HTR1F: variants seen among roughly 807,000 people sequenced by gnomAD.
HTR1F encodes the protein 5-hydroxytryptamine (serotonin) receptor 1F, G protein-coupled.
A neutral mutation model predicts 24.0 loss-of-function variants in HTR1F; 17 were observed. The ratio of observed to expected loss-of-function variants is 0.71; its 90% CI spans 0.48 to 1.06. HTR1F has a LOEUF of 1.06. Ranked by LOEUF, HTR1F falls within the 50% of genes least tolerant of loss-of-function variation. HTR1F has a pLI of 0.00. For synonymous variants in HTR1F, 186 were observed against 156.8 expected (o/e 1.19, Z -1.39); for missense variants, 391 against 427.8 (o/e 0.91, Z 0.76).
intron 1 of HTR1F, among the ~76,000 whole-genome samples, chr3:87,802,073 T>A (rs1406540330): frequency 1.2e-5 from 1 of 82,356 alleles, no homozygotes; most frequent in Admixed American, 1.3e-4. Flanking sequence ...TTTCTTTCCC[T>A]CCCTCCTTCC....
intron 2 of HTR1F, among the ~76,000 whole-genome samples, chr3:87,865,943 G>C (rs1435140130): frequency 1.3e-5 from 2 of 152,008 alleles, no homozygotes; most frequent in Non-Finnish European, 2.9e-5. Context: ...CCAAAAAGTT[G>C]ATATCAATCA....
intron 2 of HTR1F, among the ~76,000 whole-genome samples, chr3:87,823,415 T>C (rs2107130514): frequency 6.6e-6 from 1 of 152,290 alleles, no homozygotes; most frequent in African/African-American, 2.4e-5. Flanking sequence ...TTCATCTTCC[T>C]TTTCAAGACC....
intron 2 of HTR1F, among the ~76,000 whole-genome samples, chr3:87,824,410 TA>T (rs1267565973): frequency 6.6e-6 from 1 of 152,198 alleles, no homozygotes; most frequent in African/African-American, 2.4e-5. Flanking sequence ...CTTGTTTATG[TA>T]AAACAGGCCT....
intron 2 of HTR1F, among the ~76,000 whole-genome samples, chr3:87,848,173 A>G (rs1704989823): frequency 6.6e-6 from 1 of 151,796 alleles, no homozygotes; most frequent in Non-Finnish European, 1.5e-5. Context: ...CCTTGCCATC[A>G]TCTGTTAAAT....
At chr3:87,962,587 T>C (rs1576094297) in intron 2 of HTR1F, among the ~76,000 whole-genome samples, 2 of 152,046 alleles carry the variant, frequency 1.3e-5, no homozygotes, top group African/African-American at 2.4e-5. Context: ...ATTATAAATA[T>C]AAGAGATGTT....
chr3:87,909,682 T>A (rs1002104447), intron 2 of HTR1F, among the ~76,000 whole-genome samples: 1 of 152,032 alleles, frequency 6.6e-6, no homozygotes, highest in African/African-American at 2.4e-5. Flanking sequence ...TTCATTTATG[T>A]AAAGAAGCTA....
At chr3:87,819,261 T>G (rs554568823) in intron 1 of HTR1F, among the ~76,000 whole-genome samples, 3 of 152,320 alleles carry the variant, frequency 2.0e-5, no homozygotes, top group South Asian at 2.1e-4. Flanking sequence ...TTTTCATGGT[T>G]GTTTTCATTT....
chr3:87,860,352 G>A (rs1387118012), intron 2 of HTR1F, among the ~76,000 whole-genome samples: 7 of 152,110 alleles, frequency 4.6e-5, no homozygotes, highest in East Asian at 1.9e-4. Flanking sequence ...TGTAGTTTTT[G>A]TTGCTATTTG....
intron 2 of HTR1F, among the ~76,000 whole-genome samples, chr3:87,958,864 C>G (rs1253260516): frequency 6.6e-6 from 1 of 151,428 alleles, no homozygotes; most frequent in Admixed American, 6.6e-5. Flanking sequence ...ATATTTCCTC[C>G]CTTATTTTTT....
At chr3:87,955,133 T>C (rs1370991276) in intron 2 of HTR1F, among the ~76,000 whole-genome samples, 1 of 151,450 alleles carries the variant, frequency 6.6e-6, no homozygotes, top group South Asian at 2.1e-4. Flanking sequence ...GTTGTGTATA[T>C]CCTGAAGCCA....
intron 2 of HTR1F, among the ~76,000 whole-genome samples, chr3:87,979,892 C>T (rs569958489): frequency 5.0e-4 from 76 of 152,316 alleles, no homozygotes; most frequent in East Asian, 2.5e-3. Context: ...CTGCTGTGGG[C>T]GCCCATATCT....
intron 2 of HTR1F, among the ~76,000 whole-genome samples, chr3:87,990,108 C>T (rs1457826862): frequency 1.3e-5 from 2 of 152,084 alleles, no homozygotes; most frequent in African/African-American, 2.4e-5. Context: ...TTCCTTTAGA[C>T]CCCAATAAAC....
chr3:87,955,224 C>G (rs1412773447), intron 2 of HTR1F, among the ~76,000 whole-genome samples: 1 of 151,504 alleles, frequency 6.6e-6, no homozygotes, highest in Non-Finnish European at 1.5e-5. Flanking sequence ...GCCTTTGTCT[C>G]TGGACTCTGG....
At chr3:87,964,143 G>A (rs548314554) in intron 2 of HTR1F, among the ~76,000 whole-genome samples, 17 of 152,002 alleles carry the variant, frequency 1.1e-4, no homozygotes, top group African/African-American at 3.9e-4. Flanking sequence ...AATTATCACA[G>A]GTCTCCACTG....
At chr3:87,849,140 G>A (rs940521702) in intron 2 of HTR1F, among the ~76,000 whole-genome samples, 20 of 151,544 alleles carry the variant, frequency 1.3e-4, no homozygotes, top group African/African-American at 3.7e-4. Context: ...AAAAGAGCCC[G>A]CATTGCCAAG....
intron 2 of HTR1F, among the ~76,000 whole-genome samples, chr3:87,941,894 A>G (rs1055728106): frequency 1.3e-5 from 2 of 152,094 alleles, no homozygotes; most frequent in African/African-American, 4.8e-5. Context: ...TACTCCTAAA[A>G]TTGGAGTATT....
intron 2 of HTR1F, among the ~76,000 whole-genome samples, chr3:87,956,770 T>C (rs1243941869): frequency 4.6e-5 from 7 of 151,354 alleles, no homozygotes; most frequent in Non-Finnish European, 7.4e-5. Flanking sequence ...AAAATTCATT[T>C]ACCAATTATT....
intron 2 of HTR1F, among the ~76,000 whole-genome samples, chr3:87,900,901 T>C (rs1390840133): frequency 6.6e-6 from 1 of 152,142 alleles, no homozygotes; most frequent in Non-Finnish European, 1.5e-5. Context: ...AAGTAGATAG[T>C]TGTGTTTATA....
chr3:87,958,864 C>A (rs1253260516), intron 2 of HTR1F, among the ~76,000 whole-genome samples: 1 of 151,428 alleles, frequency 6.6e-6, no homozygotes, highest in African/African-American at 2.4e-5. Context: ...ATATTTCCTC[C>A]CTTATTTTTT....
Sources: allele counts gnomAD v4.1 joint callset (sites outside exome capture counted in the v4.1 genomes callset), GRCh38; gene constraint gnomAD v4.1.1; transcripts MANE v1.5; gene names NCBI Gene and HGNC (gene_info 2026-07-23, HGNC 2026-07-21).